Variants in SETX observed in about 807,000 individuals in gnomAD.
SETX encodes senataxin.
A neutral mutation model predicts 227.2 loss-of-function variants in SETX; 90 were observed. The ratio of observed to expected loss-of-function variants is 0.40; its 90% CI spans 0.33 to 0.47. The LOEUF (loss-of-function observed/expected upper bound fraction) is 0.47. Ranked by LOEUF, SETX falls within the 20% of genes least tolerant of loss-of-function variation. The pLI, the probability that SETX is intolerant of heterozygous loss-of-function variation, is 0.91. For missense variants in SETX, 3,052 were observed against 3,181.5 expected (o/e 0.96, Z 0.98); for synonymous variants, 1,210 against 1,113.2 (o/e 1.09, Z -1.73).
At chr9:132,291,312 G>A (rs188299477) in intron 15 of SETX, among the ~76,000 whole-genome samples, 29 of 151,604 alleles carry the variant, frequency 1.9e-4, no homozygotes, top group Admixed American at 1.2e-3. Context: ...GACTACAGGC[G>A]CCCCCCACCA....
At chr9:132,307,321 T>C (rs1040442232) in intron 11 of SETX, among the ~76,000 whole-genome samples, 8 of 147,962 alleles carry the variant, frequency 5.4e-5, no homozygotes, top group Non-Finnish European at 1.2e-4. Flanking sequence ...TAGTTTGATA[T>C]TAACAGAGCT....
intron 22 of SETX, among the ~76,000 whole-genome samples, chr9:132,276,073 C>T (rs2131170821): frequency 6.6e-6 from 1 of 152,236 alleles, no homozygotes; most frequent in East Asian, 1.9e-4. Context: ...ATACCGGACC[C>T]AAAATGCACC....
intron 13 of SETX, 30 bp from the exon 14 acceptor site, chr9:132,297,084 GT>G: frequency 6.4e-7 from 1 of 1,572,350 alleles, no homozygotes; most frequent in Non-Finnish European, 8.7e-7. Flanking sequence ...TTGAGAATGA[GT>G]TGCTGTTTCT....
At chr9:132,288,814 T>C (rs1175363228) in intron 15 of SETX, among the ~76,000 whole-genome samples, 163 bp from the exon 16 acceptor site, 1 of 152,206 alleles carries the variant, frequency 6.6e-6, no homozygotes, top group Non-Finnish European at 1.5e-5. Flanking sequence ...CACAAACTTC[T>C]TATACATTAT....
intron 23 of SETX, among the ~76,000 whole-genome samples, chr9:132,272,419 G>A (rs568820862): frequency 2.1e-3 from 325 of 151,856 alleles, no homozygotes; most frequent in Non-Finnish European, 2.2e-3. Flanking sequence ...AAAATGTTAG[G>A]ATTATAGATG....
At chr9:132,268,220 G>C (rs943837932) in intron 25 of SETX, among the ~76,000 whole-genome samples, 7 of 152,216 alleles carry the variant, frequency 4.6e-5, no homozygotes, top group African/African-American at 1.7e-4. Context: ...AGTACTGAGA[G>C]GTTGCATGCA....
chr9:132,282,037 A>AC (rs1188495260), intron 19 of SETX, among the ~76,000 whole-genome samples: 5 of 151,024 alleles, frequency 3.3e-5, no homozygotes, highest in African/African-American at 1.2e-4. Context: ...AAAAAAAAAA[A>AC]AGCAAGACTC....
At chr9:132,349,020 T>C (rs747771212) in intron 3 of SETX, among the ~76,000 whole-genome samples, 18 of 151,936 alleles carry the variant, frequency 1.2e-4, no homozygotes, top group African/African-American at 4.3e-4. Flanking sequence ...GTCCTAAGAA[T>C]ATACTCGAAT....
chr9:132,314,612 T>C (rs1239033989), intron 10 of SETX, among the ~76,000 whole-genome samples: 3 of 152,192 alleles, frequency 2.0e-5, no homozygotes, highest in East Asian at 3.8e-4. Flanking sequence ...GTTCCTTTTC[T>C]TCCCACTCCA....
At chr9:132,343,698 C>A (rs1474946449) in intron 4 of SETX, among the ~76,000 whole-genome samples, 1 of 152,020 alleles carries the variant, frequency 6.6e-6, no homozygotes, top group Non-Finnish European at 1.5e-5. Context: ...GAAGGGCACT[C>A]CTAGGATGTT....
At chr9:132,285,738 G>C (rs1843826166) in intron 18 of SETX, among the ~76,000 whole-genome samples, 1 of 150,550 alleles carries the variant, frequency 6.6e-6, no homozygotes, top group Non-Finnish European at 1.5e-5. Context: ...AATTTAGTCG[G>C]GCGTGGTGGC....
At chr9:132,294,995 T>C (rs999354731) in intron 15 of SETX, among the ~76,000 whole-genome samples, 1 of 152,228 alleles carries the variant, frequency 6.6e-6, no homozygotes, top group African/African-American at 2.4e-5. Flanking sequence ...CTGTTAGGTA[T>C]CCTTAAGGAA....
At chr9:132,286,644 G>T in intron 17 of SETX, 150 bp from the exon 18 acceptor site, 1 of 668,310 alleles carries the variant, frequency 1.5e-6, no homozygotes, top group Non-Finnish European at 2.7e-6. Flanking sequence ...CTGGAGTCCT[G>T]ACACACTCTG....
intron 6 of SETX, among the ~76,000 whole-genome samples, chr9:132,335,368 G>C (rs1322645518): frequency 2.8e-5 from 3 of 108,934 alleles, no homozygotes; most frequent in African/African-American, 7.1e-5. Flanking sequence ...TCCAGCCTGG[G>C]CGACAGAGCA....
chr9:132,338,412 G>A (rs563035033), intron 5 of SETX, among the ~76,000 whole-genome samples: 69 of 152,152 alleles, frequency 4.5e-4, no homozygotes, highest in Non-Finnish European at 8.2e-4. Context: ...TTTAAAAAGA[G>A]GCAGAGCAGG....
At position 132,295,864 on chromosome 9, in the gene SETX, T is replaced by C. The variant is rs1314479594; in HGVS notation, c.6106+8A>G. 1 of 1,611,392 alleles carries C rather than the reference T, an allele frequency of 6.2e-7. No homozygotes were observed. Among genetic ancestry groups the C allele is most frequent in the Non-Finnish European group, 8.5e-7 (1 of 1,178,194 alleles). On this transcript the variant is annotated splice_region_variant and intron_variant, in intron 15 of 25. Coordinates refer to ENST00000224140, the MANE Select transcript of SETX (RefSeq NM_015046.7). ...AAAACAAATTTAAAATCCACAAAAG[T>C]ATCATACCTAAAGGATTCTTCTTGT...
In SETX at chr9:132,298,287, G is replaced by T; in HGVS notation, c.5574C>A (p.Tyr1858Ter). 1 of 1,614,006 alleles carries T rather than the reference G, an allele frequency of 6.2e-7. No individual in the cohort carries two copies. The highest frequency in any genetic ancestry group is 8.5e-7 in the Non-Finnish European group (1 of 1,179,902). Reference protein sequence around the residue: ...SVMRNGKTECYLSIQTQENFP... With the variant: ...SVMRNGKTEC The stretch of plus-strand genomic sequence containing the variant: ...AGTTCTCTTGAGTCTGGATGGAAAG[G>T]TAACACTCAGTTTTCCCATTACGCA... The change falls in exon 13 of 26, where the codon TAC becomes TAA. Residue 1858 changes from tyrosine (Y) to a stop codon, truncating the protein, a stop_gained. Transcript: ENST00000224140. LOFTEE classifies it high-confidence loss of function.
At chr9:132,265,234 T>TG (rs1000281115) in intron 25 of SETX, among the ~76,000 whole-genome samples, 16 of 147,248 alleles carry the variant, frequency 1.1e-4, no homozygotes, top group African/African-American at 2.5e-4. Context: ...GTTTTTTTTT[T>TG]TTTTTTTTTT....
Position 132,295,995 on chromosome 9 carries a change from T to C in SETX, c.5983A>G (p.Asn1995Asp). Residue 1995 changes from asparagine to aspartate, a missense_variant, in exon 15 of 26, where the codon AAT becomes GAT. Physicochemically the swap from Asn to Asp is conservative, Grantham distance 23. This residue lies in a region of SETX where 412 missense variants were observed against 589.0 expected (regional missense o/e 0.70). Coordinates refer to ENST00000224140, the MANE Select transcript of SETX (RefSeq NM_015046.7). Reference protein sequence around the residue: ...QRKGHSDENSNAKIKQNRVLV... With the variant: ...QRKGHSDENSDAKIKQNRVLV... The stretch of plus-strand genomic sequence containing the variant: ...ACACGGTTTTGTTTGATTTTGGCAT[T>C]GGAGTTTTCGTCTGAATGCCCCTTC... 6.2e-7 allele frequency: 1 copy of C among 1,614,224 alleles called. No homozygotes were observed. The highest frequency in any genetic ancestry group is 8.5e-7 in the Non-Finnish European group (1 of 1,180,040).
Sources: allele counts gnomAD v4.1 joint callset (sites outside exome capture counted in the v4.1 genomes callset), GRCh38; gene constraint gnomAD v4.1.1; regional missense constraint gnomAD v4.1.1; transcripts MANE v1.5; gene names NCBI Gene and HGNC (gene_info 2026-07-23, HGNC 2026-07-21).